The following MAP2 variants were observed in gnomAD, a reference collection of about 807,000 sequenced individuals.
MAP2 encodes microtubule associated protein 2.
MAP2 carries 14 observed loss-of-function variants against 137.6 expected under a neutral mutation model. That is an observed-to-expected ratio of 0.10 (90% CI 0.07 to 0.16). The LOEUF (loss-of-function observed/expected upper bound fraction) is 0.16, where lower values mean the gene tolerates loss of function less well. Ranked by LOEUF, MAP2 falls within the 10% of genes least tolerant of loss-of-function variation. The pLI is 1.00. For missense variants in MAP2, 2,088 were observed against 2,191.5 expected, an observed-to-expected ratio of 0.95 and a Z score of 0.94; for synonymous variants, 786 against 782.3, an observed-to-expected ratio of 1.00 and a Z score of -0.08.
intron 7 of MAP2, chr2:209,690,956 TATG>T: frequency 9.5e-7 from 1 of 1,054,844 alleles, no homozygotes; most frequent in Middle Eastern, 2.8e-4. Flanking sequence ...CGCTGGGTCT[TATG>T]ATAACAAGTC....
At chr2:209,540,630 CAAAAAAAAAAAAAAAAAAA>C (rs749183996) in intron 2 of MAP2, among the ~76,000 whole-genome samples, 4 of 27,590 alleles carry the variant, frequency 1.4e-4, no homozygotes, top group East Asian at 4.8e-3. Context: ...GACTCCGTCT[CAAAAAAAAAAAAAAAAAAA>C]AAAAAAAAAA....
At position 209,562,411 on chromosome 2, in the gene MAP2, T is replaced by C. The variant is rs541378302; in HGVS notation, c.-171-17625T>C. On this transcript the variant is annotated intron_variant, in intron 2 of 15. Coordinates refer to ENST00000682079, the MANE Select transcript of MAP2 (RefSeq NM_001375505.1). ...TCTCCAGCTTGAAAAAAAAAGCTAA[T>C]GCAGGTTAGGCACGCTGGCTTACGT... is the stretch of plus-strand genomic sequence containing the variant. Among the ~76,000 whole-genome samples the C allele has an allele frequency of 1.1e-3, 164 of 150,412 alleles. 1 individual carries two copies. The highest frequency in any genetic ancestry group is 1.5e-3 in the Non-Finnish European group (105 of 67,784).
At chr2:209,545,195 T>C (rs1418230471) in intron 2 of MAP2, among the ~76,000 whole-genome samples, 1 of 152,126 alleles carries the variant, frequency 6.6e-6, no homozygotes, top group Non-Finnish European at 1.5e-5. Flanking sequence ...CTGAAGGTAG[T>C]TGTGAGTTTC....
At chr2:209,488,448 C>T (rs1431239500) in intron 1 of MAP2, among the ~76,000 whole-genome samples, 2 of 152,158 alleles carry the variant, frequency 1.3e-5, no homozygotes, top group South Asian at 4.1e-4. Context: ...CCATTCACTC[C>T]CCTGGAAAGG....
chr2:209,533,723 G>A (rs796134673), intron 2 of MAP2, among the ~76,000 whole-genome samples: 20 of 152,278 alleles, frequency 1.3e-4, no homozygotes, highest in Admixed American at 3.3e-4. Context: ...GAATTGTCTC[G>A]TTCTAGGGAT....
intron 3 of MAP2, among the ~76,000 whole-genome samples, chr2:209,615,080 G>A (rs1261106986): frequency 2.0e-5 from 3 of 152,142 alleles, no homozygotes; most frequent in African/African-American, 4.8e-5. Flanking sequence ...GATCAGGAAT[G>A]TCAGAGGGTG....
intron 2 of MAP2, among the ~76,000 whole-genome samples, chr2:209,578,099 A>C (rs1486810585): frequency 6.6e-6 from 1 of 152,192 alleles, no homozygotes; most frequent in Non-Finnish European, 1.5e-5. Flanking sequence ...TTGGTGAGAG[A>C]AGAAAGGCAG....
At chr2:209,500,786 A>G (rs1485784848) in intron 1 of MAP2, among the ~76,000 whole-genome samples, 3 of 152,170 alleles carry the variant, frequency 2.0e-5, no homozygotes, top group African/African-American at 4.8e-5. Context: ...GCTTATGCCT[A>G]TAATCTCAGC....
chr2:209,551,450 AT>A (rs1020023177), intron 2 of MAP2, among the ~76,000 whole-genome samples: 1 of 152,158 alleles, frequency 6.6e-6, no homozygotes, highest in African/African-American at 2.4e-5. Flanking sequence ...GATAAGATAC[AT>A]TTCATAATTT....
intron 3 of MAP2, among the ~76,000 whole-genome samples, chr2:209,603,412 C>T (rs141530009): frequency 5.3e-4 from 81 of 152,156 alleles, no homozygotes; most frequent in African/African-American, 1.8e-3. Context: ...GAAACTTCGG[C>T]GGTGGGATGG....
At chr2:209,505,001 T>A (rs2060857276) in intron 1 of MAP2, among the ~76,000 whole-genome samples, 1 of 152,142 alleles carries the variant, frequency 6.6e-6, no homozygotes, top group Admixed American at 6.6e-5. Context: ...CTTCCCACTC[T>A]CCTAGCATTT....
chr2:209,616,617 A>G (rs2089497153), intron 3 of MAP2, among the ~76,000 whole-genome samples: 1 of 152,218 alleles, frequency 6.6e-6, no homozygotes, highest in African/African-American at 2.4e-5. Flanking sequence ...TACGTCTCTC[A>G]GCTGTTCATT....
chr2:209,555,638 CA>C (rs2153321042), intron 2 of MAP2, among the ~76,000 whole-genome samples: 1 of 152,310 alleles, frequency 6.6e-6, no homozygotes, highest in Non-Finnish European at 1.5e-5. Flanking sequence ...CTTTACTTCA[CA>C]ACTCAAGTTT....
intron 3 of MAP2, among the ~76,000 whole-genome samples, chr2:209,593,501 A>G (rs961206915): frequency 2.0e-5 from 3 of 146,638 alleles, no homozygotes; most frequent in Admixed American, 7.1e-5. Context: ...TGCAGGTATC[A>G]GCAGCGTGTG....
At chr2:209,472,557 T>C (rs1055901927) in intron 1 of MAP2, among the ~76,000 whole-genome samples, 9 of 152,130 alleles carry the variant, frequency 5.9e-5, no homozygotes, top group Admixed American at 2.6e-4. Flanking sequence ...TTCCAGAAGA[T>C]TGAAGAGCAC....
At chr2:209,471,336 G>C (rs1705657319) in intron 1 of MAP2, among the ~76,000 whole-genome samples, 1 of 152,080 alleles carries the variant, frequency 6.6e-6, no homozygotes, top group Admixed American at 6.6e-5. Flanking sequence ...ATTAATACCT[G>C]TCTTCTCTAC....
At chr2:209,656,869 G>C (rs147877148) in intron 5 of MAP2, among the ~76,000 whole-genome samples, 1 of 152,014 alleles carries the variant, frequency 6.6e-6, no homozygotes, top group Non-Finnish European at 1.5e-5. Flanking sequence ...GAGTGTACCC[G>C]TCACCTGAAT....
At chr2:209,653,521 C>T (rs1402989595) in intron 5 of MAP2, 89 bp downstream of exon 5, 1 of 1,312,128 alleles carries the variant, frequency 7.6e-7, no homozygotes, top group East Asian at 2.5e-5. Context: ...AGCACTGATC[C>T]TCTTTCACTA....
chr2:209,715,954 C>G (rs2067417597), intron 13 of MAP2, among the ~76,000 whole-genome samples: 1 of 152,178 alleles, frequency 6.6e-6, no homozygotes, highest in Non-Finnish European at 1.5e-5. Flanking sequence ...ATCCCATATC[C>G]TAACCATCTG....
Sources: gnomAD v4.1 joint callset for allele counts (sites outside exome capture counted in the v4.1 genomes callset) on GRCh38, gnomAD v4.1.1 for gene constraint, MANE v1.5 for transcripts, NCBI Gene and HGNC (gene_info 2026-07-23, HGNC 2026-07-21) for gene names.